The following MLLT10 variants were observed in gnomAD, a reference collection of about 807,000 sequenced individuals.
MLLT10 encodes the protein MLLT10 histone lysine methyltransferase DOT1L cofactor, also known as protein AF-10.
MLLT10 carries 30 observed loss-of-function variants against 129.1 expected under a neutral mutation model. The observed-to-expected ratio is 0.23, with a 90% CI of 0.17 to 0.32. The LOEUF (loss-of-function observed/expected upper bound fraction) is 0.32. Among genes scored for constraint, MLLT10 ranks in the 10% least tolerant of loss-of-function variants. MLLT10 has a pLI of 1.00. For synonymous variants in MLLT10, 490 were observed against 446.4 expected, an observed-to-expected ratio of 1.10 and a Z score of -1.23; for missense variants, 1,119 against 1,268.3, an observed-to-expected ratio of 0.88 and a Z score of 1.79.
Position 21,670,512 on chromosome 10 carries a change from G to T in MLLT10, c.859G>T (p.Ala287Ser). The T allele has an allele frequency of 1.2e-6, 2 of 1,614,068 alleles. No homozygotes were observed. The highest frequency in any genetic ancestry group is 1.7e-6 in the Non-Finnish European group (2 of 1,180,002). The part of the protein sequence containing the change: ...GSLKRLEDTT[A>S]RFTNANFQEV... ...ATTGAAGCGCTTGGAAGATACTACT[G>T]CACGATTTACAAATGCAAATTTCCA... Residue 287 changes from alanine to serine, a missense_variant, in exon 10 of 23, where the codon GCA becomes TCA. Physicochemically the swap from Ala to Ser is moderately conservative, Grantham distance 99 (BLOSUM62 1). This residue lies in a region of MLLT10 where 1,004 missense variants were observed against 1,008.7 expected (regional missense o/e 1.00). Transcript: ENST00000307729.
chr10:21,633,305 A>G (rs970192968), intron 8 of MLLT10, among the ~76,000 whole-genome samples: 1 of 152,256 alleles, frequency 6.6e-6, no homozygotes, highest in Non-Finnish European at 1.5e-5. Flanking sequence ...AACCAACATT[A>G]TTATTGTAAC....
At chr10:21,668,211 C>T (rs538379919) in intron 9 of MLLT10, among the ~76,000 whole-genome samples, 3 of 152,152 alleles carry the variant, frequency 2.0e-5, no homozygotes, top group Non-Finnish European at 4.4e-5. Flanking sequence ...CTATGATAGA[C>T]ATTTAGAATA....
rs1383720689 is a variant in MLLT10 at position 21,739,958 on chromosome 10, A to T, written c.2956-72A>T. ...TATCTAATATTAAAGGAAAGAAAAC[A>T]TAAGGCAGCTCATCTGACTGCTGAA... On this transcript the variant is annotated intron_variant, in intron 21 of 22. Coordinates refer to ENST00000307729, the MANE Select transcript of MLLT10 (RefSeq NM_001195626.3). 4.2e-6 allele frequency: 5 copies of T among 1,204,062 alleles called. No homozygotes were observed. The African/African-American group carries it at 6.2e-5, about 15-fold the overall frequency. The allele number at this position is 1,204,062 out of a possible 1,614,324, so 74.6% of individuals were successfully genotyped here.
intron 5 of MLLT10, among the ~76,000 whole-genome samples, chr10:21,605,788 T>C (rs1287923668): frequency 6.6e-6 from 1 of 152,244 alleles, no homozygotes; most frequent in Non-Finnish European, 1.5e-5. Flanking sequence ...GTGGTAGTTG[T>C]AGGGCTTACT....
intron 7 of MLLT10, among the ~76,000 whole-genome samples, chr10:21,616,757 A>G (rs1031210755): frequency 2.0e-5 from 3 of 151,976 alleles, no homozygotes; most frequent in Admixed American, 2.0e-4. Flanking sequence ...TTACCTTTCT[A>G]TTCTTCTAGT....
At chr10:21,556,354 G>A (rs532763327) in intron 3 of MLLT10, among the ~76,000 whole-genome samples, 4 of 152,158 alleles carry the variant, frequency 2.6e-5, no homozygotes, top group Admixed American at 6.5e-5. Context: ...GTGATCTAGC[G>A]GGGTTCTTAG....
chr10:21,578,898 T>C (rs1051331523), intron 3 of MLLT10, among the ~76,000 whole-genome samples: 1 of 152,232 alleles, frequency 6.6e-6, no homozygotes, highest in Admixed American at 6.5e-5. Context: ...TCAATAATCA[T>C]GTAATGTTAA....
intron 14 of MLLT10, among the ~76,000 whole-genome samples, chr10:21,714,360 G>T (rs1398684862): frequency 6.6e-6 from 1 of 151,968 alleles, no homozygotes; most frequent in Non-Finnish European, 1.5e-5. Flanking sequence ...AAAAAACCGT[G>T]TAGGAGAATG....
intron 3 of MLLT10, among the ~76,000 whole-genome samples, chr10:21,545,100 G>A (rs544361461): frequency 2.6e-5 from 4 of 152,176 alleles, no homozygotes; most frequent in East Asian, 1.9e-4. Flanking sequence ...AGCCGAGATC[G>A]CGCTATTGCA....
chr10:21,538,751 A>G, intron 2 of MLLT10, 82 bp from the exon 3 acceptor site: 1 of 972,174 alleles, frequency 1.0e-6, no homozygotes, highest in Non-Finnish European at 1.6e-6. Context: ...TGACAGGTGG[A>G]TTAATAGGGC....
intron 9 of MLLT10, among the ~76,000 whole-genome samples, chr10:21,660,097 G>A (rs1271096239): frequency 2.0e-5 from 3 of 151,948 alleles, no homozygotes; most frequent in Non-Finnish European, 2.9e-5. Flanking sequence ...CTGATCAGCT[G>A]AGACTAGAGG....
At chr10:21,664,566 A>C (rs2050555012) in intron 9 of MLLT10, among the ~76,000 whole-genome samples, 1 of 151,994 alleles carries the variant, frequency 6.6e-6, no homozygotes, top group Admixed American at 6.5e-5. Flanking sequence ...AGTTGCTGGG[A>C]TTACAGGCGT....
intron 14 of MLLT10, among the ~76,000 whole-genome samples, chr10:21,722,015 A>G (rs2057167787): frequency 6.6e-6 from 1 of 151,880 alleles, no homozygotes; most frequent in African/African-American, 2.4e-5. Context: ...AAGGATGTAT[A>G]CATCCATATA....
At chr10:21,534,574 G>A in intron 1 of MLLT10, 54 bp downstream of exon 1, 3 of 1,494,422 alleles carry the variant, frequency 2.0e-6, no homozygotes, top group Non-Finnish European at 2.7e-6. Flanking sequence ...GCGGGCTCGG[G>A]GGGCTGTGTG....
chr10:21,651,567 A>G (rs1730419363), intron 8 of MLLT10, 106 bp from the exon 9 acceptor site: 2 of 682,540 alleles, frequency 2.9e-6, no homozygotes, highest in Admixed American at 5.5e-5. Context: ...GATTTTTGAC[A>G]GAAGTATTTG....
chr10:21,547,866 T>TA (rs1250722681), intron 3 of MLLT10, among the ~76,000 whole-genome samples: 1 of 152,156 alleles, frequency 6.6e-6, no homozygotes, highest in Non-Finnish European at 1.5e-5. Context: ...AATCGTGTGT[T>TA]TTAAAAAAAT....
intron 3 of MLLT10, among the ~76,000 whole-genome samples, chr10:21,549,659 C>CTTTT (rs11374255): frequency 4.1e-5 from 5 of 121,972 alleles, no homozygotes; most frequent in Non-Finnish European, 5.1e-5. Context: ...GAGTTGTACT[C>CTTTT]TTTTTTTTTT....
At chr10:21,632,514 A>G (rs2047094731) in intron 8 of MLLT10, among the ~76,000 whole-genome samples, 1 of 152,182 alleles carries the variant, frequency 6.6e-6, no homozygotes, top group Non-Finnish European at 1.5e-5. Context: ...TAGGGACATG[A>G]AGGTTTAATT....
At chr10:21,680,925 C>T (rs893575991) in intron 11 of MLLT10, among the ~76,000 whole-genome samples, 2 of 151,272 alleles carry the variant, frequency 1.3e-5, no homozygotes, top group African/African-American at 4.9e-5. Context: ...CACTGCACTC[C>T]ATCCTGGGCA....
Sources: allele counts gnomAD v4.1 joint callset (sites outside exome capture counted in the v4.1 genomes callset), GRCh38; gene constraint gnomAD v4.1.1; regional missense constraint gnomAD v4.1.1; transcripts MANE v1.5; gene names NCBI Gene and HGNC (gene_info 2026-07-23, HGNC 2026-07-21).